Variants in FAM186B observed in about 807,000 individuals in gnomAD.
The protein encoded by FAM186B is protein FAM186B.
In FAM186B, 68 loss-of-function variants were observed where a neutral mutation model predicts 83.4. The observed-to-expected ratio is 0.81, with a 90% CI of 0.67 to 1.00. FAM186B has a LOEUF of 1.00. Ranked by LOEUF, FAM186B falls within the 50% of genes least tolerant of loss-of-function variation. The pLI is 0.00. For synonymous variants in FAM186B, 389 were observed against 422.0 expected (o/e 0.92, Z 0.96); for missense variants, 983 against 1,099.2 (o/e 0.89, Z 1.49).
chr12:49,596,485 T>TAA (rs61018488), intron 5 of FAM186B, among the ~76,000 whole-genome samples: 2,720 of 145,346 alleles, frequency 0.019, 88 homozygotes, highest in African/African-American at 0.065. Context: ...TTGATGTCTT[T>TAA]AAAAAAAAAA....
upstream of FAM186B, among the ~76,000 whole-genome samples, chr12:49,605,971 C>T (rs186081898): frequency 1.8e-4 from 27 of 151,690 alleles, no homozygotes; most frequent in African/African-American, 4.8e-4. Context: ...ACTGTGTTAG[C>T]GAGGATGGTC....
intron 5 of FAM186B, among the ~76,000 whole-genome samples, chr12:49,591,797 A>C (rs1180261474): frequency 6.6e-6 from 1 of 152,184 alleles, no homozygotes; most frequent in African/African-American, 2.4e-5. Flanking sequence ...CAGTGTTTGC[A>C]TATCACCCAC....
At chr12:49,584,721 G>A, downstream of FAM186B, 1 of 674,906 alleles carries the variant, frequency 1.5e-6, no homozygotes, top group Non-Finnish European at 2.7e-6. Context: ...GTCCAGAGCT[G>A]AGCCCAGACT....
downstream of FAM186B, chr12:49,584,441 C>T: frequency 1.4e-6 from 1 of 697,238 alleles, no homozygotes; most frequent in South Asian, 1.5e-5. Context: ...CTGTGGGTTT[C>T]CGTCCCTCAG....
rs1939834647 is a variant in FAM186B at position 49,599,966 on chromosome 12, C to T, written c.1674G>A (p.Arg558=). The T allele has an allele frequency of 6.2e-7, 1 of 1,613,736 alleles. No homozygotes were observed. Residue 558 remains arginine (R), a synonymous_variant, in exon 4 of 7, where the codon AGG becomes AGA. Coordinates refer to ENST00000257894, the MANE Select transcript of FAM186B (RefSeq NM_032130.3). ...PEQLGEDVER[R]IFTPTSRWRD... ...TCCATCGACTGGTGGGTGTGAAGAT[C>T]CTCCTCTCCACATCCTCCCCTAGCT...
intron 5 of FAM186B, among the ~76,000 whole-genome samples, chr12:49,591,546 T>C (rs181235924): frequency 6.6e-6 from 1 of 151,856 alleles, no homozygotes; most frequent in Admixed American, 6.6e-5. Context: ...GTGTGAGAAA[T>C]GTTAAAGGAA....
chr12:49,622,303 C>T, the FAM186B span, among the ~76,000 whole-genome samples: 6 of 143,116 alleles, frequency 4.2e-5, no homozygotes, highest in Non-Finnish European at 6.0e-5. Flanking sequence ...AGTTTGAAAA[C>T]CACAGGACCC....
intron 6 of FAM186B, among the ~76,000 whole-genome samples, chr12:49,587,964 AG>A (rs1345533523): frequency 2.6e-5 from 4 of 152,110 alleles, no homozygotes; most frequent in Non-Finnish European, 5.9e-5. Context: ...AGAGGTTCCC[AG>A]GGCGGCCCCT....
chr12:49,621,333 T>C, the FAM186B span, among the ~76,000 whole-genome samples: 21 of 152,178 alleles, frequency 1.4e-4, no homozygotes, highest in Admixed American at 6.5e-5. Context: ...AGTGAGCCAC[T>C]GCACTCCAGC....
intron 1 of FAM186B, chr12:49,604,813 A>C (rs184258559): frequency 2.3e-5 from 7 of 308,774 alleles, no homozygotes; most frequent in Non-Finnish European, 4.2e-5. Context: ...GAAAGTATAG[A>C]ACACCAAAAC....
At chr12:49,619,476 A>C in the FAM186B span, 1 of 675,540 alleles carries the variant, frequency 1.5e-6, no homozygotes, top group Admixed American at 2.0e-5. Flanking sequence ...TACAAACTGA[A>C]GAGCAGGGGA....
At chr12:49,589,978 C>CAAAA (rs57724815) in intron 5 of FAM186B, among the ~76,000 whole-genome samples, 1 of 60,682 alleles carries the variant, frequency 1.6e-5, no homozygotes, top group Non-Finnish European at 3.2e-5. Flanking sequence ...ACTCTGTCTC[C>CAAAA]AAAAAAAAAA....
Position 49,600,585 on chromosome 12 carries a change from G to C in FAM186B, c.1055C>G (p.Thr352Arg), listed in dbSNP as rs774925972. The C allele has an allele frequency of 8.1e-6, 13 of 1,612,506 alleles. No individual in the cohort carries two copies. The South Asian group carries it at 1.3e-4, about 16-fold the overall frequency. ...TTCCTGTTGGCTTTCCTCCATGACT[G>C]TTTCTTTCCTTGGGAGGGTCTCTCT... ...SERETLPRKE[T>R]VMEESQQEPM... is the part of the protein sequence containing the mutation. Residue 352 changes from threonine to arginine, a missense_variant, in exon 4 of 7, where the codon ACA (threonine) becomes AGA (arginine). Thr to Arg is a moderately conservative substitution (Grantham distance 71, BLOSUM62 -1). Coordinates refer to ENST00000257894, the MANE Select transcript of FAM186B (RefSeq NM_032130.3). The surrounding 1 kb of genome is among the most constrained non-coding windows in gnomAD (Gnocchi z 4.3).
rs144159467 is a variant in FAM186B at position 49,587,695 on chromosome 12, G to A, written c.2592C>T (p.Tyr864=). Reference sequence around the variant, plus strand: ...TGGCAGGGGTCTTTTTTTCTATTGCGTAACTGGAGGAGGCCACCTCGGTCT... The same window carrying A: ...TGGCAGGGGTCTTTTTTTCTATTGCATAACTGGAGGAGGCCACCTCGGTCT... The part of the protein sequence containing the change: ...VWKTEVASSS[Y]AIEKKTPASL... The change falls in exon 7 of 7, where the codon TAC becomes TAT. Residue 864 remains tyrosine, a synonymous_variant. Coordinates refer to ENST00000257894, the MANE Select transcript of FAM186B (RefSeq NM_032130.3). 3.4e-3 allele frequency: 5,563 copies of A among 1,614,082 alleles called. 17 individuals carry two copies. The highest frequency in any genetic ancestry group is 4.4e-3 in the Non-Finnish European group (5,245 of 1,179,996).
chr12:49,598,464 C>T (rs922777957), intron 5 of FAM186B, among the ~76,000 whole-genome samples: 9 of 152,190 alleles, frequency 5.9e-5, no homozygotes, highest in African/African-American at 2.2e-4. Flanking sequence ...GCTGCCTCCT[C>T]TTCTCCAGAA....
upstream of FAM186B, chr12:49,605,740 C>A: frequency 2.1e-5 from 6 of 289,708 alleles, no homozygotes; most frequent in Non-Finnish European, 3.2e-5. Flanking sequence ...CATATATTTA[C>A]TTGACTTGTT....
intron 2 of FAM186B, 110 bp downstream of exon 2, chr12:49,604,203 C>G (rs193206220): frequency 2.5e-6 from 2 of 807,516 alleles, no homozygotes; most frequent in Non-Finnish European, 4.1e-6. Context: ...TGCTGTGACA[C>G]GAGTGGTGGA....
chr12:49,606,709 G>A (rs1940031083), upstream of FAM186B, among the ~76,000 whole-genome samples: 1 of 152,176 alleles, frequency 6.6e-6, no homozygotes, highest in Non-Finnish European at 1.5e-5. Flanking sequence ...CACTTCTCTT[G>A]CAGGAGTTGA....
intron 3 of FAM186B, among the ~76,000 whole-genome samples, chr12:49,602,596 C>T (rs1340198239): frequency 6.6e-6 from 1 of 152,192 alleles, no homozygotes; most frequent in Non-Finnish European, 1.5e-5. Context: ...GACAGAGATG[C>T]AATTCAAACT....
Sources: allele counts gnomAD v4.1 joint callset (sites outside exome capture counted in the v4.1 genomes callset), GRCh38; gene constraint gnomAD v4.1.1; non-coding constraint Gnocchi (gnomAD v3.1); transcripts MANE v1.5; gene names NCBI Gene and HGNC (gene_info 2026-07-23, HGNC 2026-07-21).